LRRC4C: variants seen among roughly 807,000 people sequenced by gnomAD.
LRRC4C encodes the protein leucine-rich repeat-containing protein 4C.
In LRRC4C, 5 loss-of-function variants were observed where a neutral mutation model predicts 33.6. The observed-to-expected ratio is 0.15, with a 90% CI of 0.08 to 0.31. LRRC4C has a LOEUF of 0.31. LRRC4C is among the 10% of genes least tolerant of loss of function. The pLI, the probability that LRRC4C is intolerant of heterozygous loss-of-function variation, is 1.00. For synonymous variants in LRRC4C, 329 were observed against 302.0 expected, an observed-to-expected ratio of 1.09 and a Z score of -0.93; for missense variants, 560 against 796.7, an observed-to-expected ratio of 0.70 and a Z score of 3.58.
intron 2 of LRRC4C, among the ~76,000 whole-genome samples, chr11:40,753,162 G>C (rs1447136794): frequency 6.6e-6 from 1 of 152,068 alleles, no homozygotes; most frequent in East Asian, 1.9e-4. Context: ...GGGGGAAATG[G>C]AGAGAGGTTG....
intron 3 of LRRC4C, among the ~76,000 whole-genome samples, chr11:40,485,362 G>GCT (rs1246288735): frequency 2.0e-5 from 3 of 151,052 alleles, no homozygotes; most frequent in South Asian, 2.1e-4. Flanking sequence ...TCACATGCGC[G>GCT]CTCTCTCTCT....
intron 4 of LRRC4C, among the ~76,000 whole-genome samples, chr11:40,260,406 G>T (rs1342574850): frequency 6.8e-6 from 1 of 146,610 alleles, no homozygotes; most frequent in Non-Finnish European, 1.5e-5. Flanking sequence ...GACTGTTGTG[G>T]GTTAGGGGGA....
At chr11:40,248,013 T>C (rs1866483364) in intron 4 of LRRC4C, among the ~76,000 whole-genome samples, 1 of 152,206 alleles carries the variant, frequency 6.6e-6, no homozygotes, top group South Asian at 2.1e-4. Flanking sequence ...TAACCTCATT[T>C]GTATGTAATC....
chr11:40,494,376 T>C (rs1057377123), intron 3 of LRRC4C, among the ~76,000 whole-genome samples: 8 of 152,232 alleles, frequency 5.3e-5, no homozygotes, highest in Admixed American at 4.6e-4. Flanking sequence ...AATGTTGGAA[T>C]ATATTTATTT....
intron 1 of LRRC4C, among the ~76,000 whole-genome samples, chr11:41,156,840 G>T (rs1320051534): frequency 6.6e-6 from 1 of 152,068 alleles, no homozygotes; most frequent in African/African-American, 2.4e-5. Context: ...CAGTGCTATG[G>T]TTTGGATGTT....
At chr11:40,732,626 A>G (rs1947648967) in intron 2 of LRRC4C, among the ~76,000 whole-genome samples, 1 of 152,234 alleles carries the variant, frequency 6.6e-6, no homozygotes, top group Non-Finnish European at 1.5e-5. Flanking sequence ...GCATAGTCTC[A>G]GTCCACATCA....
intron 3 of LRRC4C, among the ~76,000 whole-genome samples, chr11:40,616,235 G>T (rs937485225): frequency 1.3e-5 from 2 of 151,856 alleles, no homozygotes; most frequent in Non-Finnish European, 1.5e-5. Context: ...AGTTAGAATG[G>T]CGATCATTAA....
chr11:40,773,589 A>G (rs1229986463), intron 2 of LRRC4C, among the ~76,000 whole-genome samples: 1 of 152,124 alleles, frequency 6.6e-6, no homozygotes, highest in African/African-American at 2.4e-5. Context: ...ATATGAATAA[A>G]TATGCAAAAC....
intron 1 of LRRC4C, among the ~76,000 whole-genome samples, chr11:41,197,513 T>TA (rs1219269546): frequency 6.6e-6 from 1 of 152,034 alleles, no homozygotes; most frequent in Non-Finnish European, 1.5e-5. Flanking sequence ...TCCCCAGAGA[T>TA]ACTCAAAAAC....
intron 3 of LRRC4C, among the ~76,000 whole-genome samples, chr11:40,405,913 G>A (rs1187065476): frequency 2.0e-5 from 3 of 151,746 alleles, no homozygotes; most frequent in Non-Finnish European, 2.9e-5. Flanking sequence ...GATATGGTAG[G>A]CAAGAGCTCT....
At chr11:40,561,893 A>G (rs1193775863) in intron 3 of LRRC4C, among the ~76,000 whole-genome samples, 1 of 152,208 alleles carries the variant, frequency 6.6e-6, no homozygotes, top group Non-Finnish European at 1.5e-5. Context: ...GAAATTGACA[A>G]ATAGTTGTAA....
intron 2 of LRRC4C, among the ~76,000 whole-genome samples, chr11:40,833,480 T>G (rs1952512099): frequency 6.6e-6 from 1 of 152,128 alleles, no homozygotes; most frequent in Non-Finnish European, 1.5e-5. Flanking sequence ...TCAATGAGAT[T>G]TTTTTAAATA....
chr11:40,266,812 C>T (rs1316223264), intron 4 of LRRC4C, among the ~76,000 whole-genome samples: 1 of 152,122 alleles, frequency 6.6e-6, no homozygotes, highest in East Asian at 1.9e-4. Flanking sequence ...ATAATAGAGA[C>T]AGTACTCAGA....
At chr11:41,356,006 A>G (rs1952148009) in intron 1 of LRRC4C, among the ~76,000 whole-genome samples, 1 of 152,136 alleles carries the variant, frequency 6.6e-6, no homozygotes, top group South Asian at 2.1e-4. Context: ...ATAAGTTTTC[A>G]TTAGTGGCTA....
At chr11:41,011,404 T>C (rs767894115) in intron 1 of LRRC4C, among the ~76,000 whole-genome samples, 3 of 152,180 alleles carry the variant, frequency 2.0e-5, no homozygotes, top group Non-Finnish European at 4.4e-5. Context: ...ATACTAATTG[T>C]TCTAGTGTTT....
At chr11:40,424,113 C>T (rs1028468295) in intron 3 of LRRC4C, among the ~76,000 whole-genome samples, 8 of 152,134 alleles carry the variant, frequency 5.3e-5, no homozygotes, top group African/African-American at 1.9e-4. Flanking sequence ...CATACAGAGT[C>T]ATAGAAATCA....
intron 3 of LRRC4C, among the ~76,000 whole-genome samples, chr11:40,348,477 G>A (rs973309095): frequency 2.6e-5 from 4 of 152,096 alleles, no homozygotes; most frequent in East Asian, 1.9e-4. Context: ...CCAAAATCAC[G>A]TGCACTGGTG....
At chr11:40,840,992 C>T (rs897521173) in intron 2 of LRRC4C, among the ~76,000 whole-genome samples, 1 of 152,076 alleles carries the variant, frequency 6.6e-6, no homozygotes. Flanking sequence ...CAGGAAGAAA[C>T]ATTTTTTGTT....
intron 2 of LRRC4C, among the ~76,000 whole-genome samples, chr11:40,684,698 A>T (rs1944871450): frequency 6.6e-6 from 1 of 152,058 alleles, no homozygotes; most frequent in Non-Finnish European, 1.5e-5. Context: ...TAAATACCAA[A>T]GAAAAAAAGA....
Sources: gnomAD v4.1 joint callset for allele counts (sites outside exome capture counted in the v4.1 genomes callset) on GRCh38, gnomAD v4.1.1 for gene constraint, MANE v1.5 for transcripts, NCBI Gene and HGNC (gene_info 2026-07-23, HGNC 2026-07-21) for gene names.